The following AMZ1 variants were observed in gnomAD, a reference collection of about 807,000 sequenced individuals.
AMZ1 encodes archaemetzincin-1.
AMZ1 carries 39 observed loss-of-function variants against 29.9 expected under a neutral mutation model. The ratio of observed to expected loss-of-function variants is 1.30; its 90% confidence interval spans 1.01 to 1.70. AMZ1 has a LOEUF of 1.70. Among genes scored for constraint, AMZ1 ranks in the 40% most tolerant of loss-of-function variants. The pLI, the probability that AMZ1 is intolerant of heterozygous loss-of-function variation, is 0.00. For missense variants in AMZ1, 1,041 were observed against 680.6 expected, an observed-to-expected ratio of 1.53 and a Z score of -5.89; for synonymous variants, 458 against 304.0, an observed-to-expected ratio of 1.51 and a Z score of -5.27.
At chr7:2,754,172 T>A (rs1194491155) in intron 4 of AMZ1, among the ~76,000 whole-genome samples, 1 of 152,234 alleles carries the variant, frequency 6.6e-6, no homozygotes, top group African/African-American at 2.4e-5. Flanking sequence ...TTAATAGGTG[T>A]GTAGTGCTAG....
At position 2,733,569 on chromosome 7, in the gene AMZ1, A is replaced by G. The variant is rs753676837; in HGVS notation, n.550+23753A>G. ...GAATCCTGATGTGGCAAATACAAGA[A>G]CTGAACAGGGTAAGAGCAGTGGCAT... On this transcript the variant is annotated intron_variant and non_coding_transcript_variant, in intron 4 of 4. Coordinates refer to the AMZ1 transcript ENST00000489665. 363 of 1,249,094 alleles carry G rather than the reference A, an allele frequency of 2.9e-4. 1 individual carries two copies. Among genetic ancestry groups the G allele is most frequent in the Non-Finnish European group, 4.1e-4 (351 of 854,790 alleles). 77.4% of individuals were successfully genotyped at this position (1,249,094 alleles called of 1,614,324 possible). A position where few individuals can be genotyped will look rare whatever the true frequency, so the allele number is the denominator to read the frequency against.
intron 4 of AMZ1, among the ~76,000 whole-genome samples, chr7:2,743,873 TC>T (rs1260311541): frequency 6.6e-6 from 1 of 151,868 alleles, no homozygotes; most frequent in Non-Finnish European, 1.5e-5. Flanking sequence ...CCAGATTACA[TC>T]CCGCACCTGG....
Position 2,712,325 on chromosome 7 carries a change from C to T in AMZ1, c.949-5C>T. 6.4e-7 allele frequency: 1 copy of T among 1,565,920 alleles called. No homozygotes were observed. Among genetic ancestry groups the T allele is most frequent in the South Asian group, 1.2e-5 (1 of 83,294 alleles). ...GCAAACTCAGCCTGTGTTTCTCCCT[C>T]TTAGAGACTCTACACCTGGACTCAG... On this transcript the variant is annotated splice_polypyrimidine_tract_variant and splice_region_variant and intron_variant, in intron 6 of 6. Transcript: ENST00000683327.
At position 2,709,742 on chromosome 7, in the gene AMZ1, C is replaced by T. The variant is rs746068489; in HGVS notation, c.874C>T (p.Pro292Ser). The change falls in exon 6 of 7, where the codon CCC becomes TCC. Residue 292 changes from proline to serine, a missense_variant. Physicochemically the swap from Pro to Ser is moderately conservative, Grantham distance 74. Transcript: ENST00000683327. Reference sequence around the variant, plus strand: ...CAGCCTGGACGAGGCCCTGCGGCGGCCCCTGGACCTCTGTCCCATCTGCCT... The same window carrying T: ...CAGCCTGGACGAGGCCCTGCGGCGGTCCCTGGACCTCTGTCCCATCTGCCT... ...ALSLDEALRR[P>S]LDLCPICLRK... 3.1e-6 allele frequency: 5 copies of T among 1,611,478 alleles called. No homozygotes were observed. Among genetic ancestry groups the T allele is most frequent in the Admixed American group, 3.3e-5 (2 of 59,998 alleles).
intron 6 of AMZ1, among the ~76,000 whole-genome samples, chr7:2,711,897 T>G (rs1330495138): frequency 6.6e-6 from 1 of 151,996 alleles, no homozygotes; most frequent in Non-Finnish European, 1.5e-5. Context: ...ATGTAAAAAT[T>G]AGCCAGGCAT....
chr7:2,757,710 A>C (rs1438468728), intron 4 of AMZ1, among the ~76,000 whole-genome samples: 1 of 152,226 alleles, frequency 6.6e-6, no homozygotes, highest in African/African-American at 2.4e-5. Context: ...AAAAACCTTT[A>C]GTACTTCTTA....
intron 4 of AMZ1, among the ~76,000 whole-genome samples, chr7:2,736,123 C>T (rs1428354895): frequency 1.3e-5 from 2 of 152,168 alleles, no homozygotes; most frequent in Non-Finnish European, 2.9e-5. Context: ...CATGCATTTT[C>T]AACACTAAGA....
upstream of AMZ1, among the ~76,000 whole-genome samples, chr7:2,684,324 A>G (rs182356680): frequency 6.4e-4 from 98 of 152,212 alleles, 1 homozygote; most frequent in Admixed American, 6.3e-3. Flanking sequence ...CCTTACTTTA[A>G]CCATATCTGC....
upstream of AMZ1, among the ~76,000 whole-genome samples, chr7:2,683,809 C>G (rs1033450344): frequency 6.6e-6 from 1 of 152,076 alleles, no homozygotes; most frequent in Non-Finnish European, 1.5e-5. Context: ...TCAAGTGATC[C>G]TCCCACCTCG....
Position 2,709,229 on chromosome 7 carries a change from G to T in AMZ1, c.756G>T (p.Met252Ile). Residue 252 changes from methionine (M) to isoleucine (I), a missense_variant, in exon 5 of 7, where the codon ATG becomes ATT. Met to Ile is a conservative substitution (Grantham distance 10). Transcript: ENST00000683327. Reference sequence around the variant, plus strand: ...CCCTGTGCTTCAGTGCCCTGGGGATGGTTCAGTGCTGCAAGGTGGGTGGGG... The same window carrying T: ...CCCTGTGCTTCAGTGCCCTGGGGATTGTTCAGTGCTGCAAGGTGGGTGGGG... ...GWALCFSALG[M>I]VQCCKVTCHE... The T allele has an allele frequency of 6.7e-7, 1 of 1,502,736 alleles. No individual in the cohort carries two copies. The highest frequency in any genetic ancestry group is 2.4e-5 in the East Asian group (1 of 42,184). The allele number at this position is 1,502,736 out of a possible 1,614,324, so 93.1% of individuals were successfully genotyped here. A position where few individuals can be genotyped will look rare whatever the true frequency, so the allele number is the denominator to read the frequency against.
intron 1 of AMZ1, among the ~76,000 whole-genome samples, chr7:2,699,530 C>T (rs1263799802): frequency 3.6e-5 from 5 of 137,672 alleles, no homozygotes; most frequent in African/African-American, 1.2e-4. Flanking sequence ...TGCGTACCCC[C>T]GCCCCCCCCC....
upstream of AMZ1, among the ~76,000 whole-genome samples, chr7:2,683,460 C>G (rs1052973071): frequency 6.6e-6 from 1 of 151,940 alleles, no homozygotes; most frequent in Non-Finnish European, 1.5e-5. Context: ...TTTTTTGAGA[C>G]AGAGTCTGGC....
At chr7:2,741,045 A>AAAACAAACAAAC (rs10603977) in intron 4 of AMZ1, among the ~76,000 whole-genome samples, 4 of 151,168 alleles carry the variant, frequency 2.6e-5, no homozygotes, top group African/African-American at 4.9e-5. Flanking sequence ...ACTCCGTCTC[A>AAAACAAACAAAC]AAACAAACAA....
chr7:2,697,196 G>A (rs766923355), intron 1 of AMZ1, among the ~76,000 whole-genome samples: 11 of 152,130 alleles, frequency 7.2e-5, no homozygotes, highest in Admixed American at 2.0e-4. Context: ...TCTGCCTCCC[G>A]GGTTCAAGTG....
chr7:2,726,067 C>T (rs1333798615), intron 4 of AMZ1, among the ~76,000 whole-genome samples: 3 of 152,224 alleles, frequency 2.0e-5, no homozygotes, highest in Non-Finnish European at 2.9e-5. Context: ...CTGTCCTCTT[C>T]AAAGCAAAGC....
At position 2,718,968 on chromosome 7, in the gene AMZ1, G is replaced by T. The variant is rs1010310717; in HGVS notation, c.*6090G>T. On this transcript the variant is annotated 3_prime_UTR_variant, in exon 7 of 7. Coordinates refer to ENST00000683327, the MANE Select transcript of AMZ1 (RefSeq NM_001384743.1). ...CCGGCCATTTATTCCAAATGTATGA[G>T]CAGGAAGGAAAGAGGGAGGGAAGCT... 6.6e-6 allele frequency among the ~76,000 whole-genome samples: 1 copy of T among 151,850 alleles called. No individual in the cohort carries two copies. Among genetic ancestry groups the T allele is most frequent in the African/African-American group, 2.4e-5 (1 of 41,278 alleles).
intron 1 of AMZ1, among the ~76,000 whole-genome samples, chr7:2,699,319 C>T (rs1488294455): frequency 6.6e-6 from 1 of 152,184 alleles, no homozygotes; most frequent in Non-Finnish European, 1.5e-5. Flanking sequence ...TGCAGGGCGG[C>T]TTTGTCACGG....
intron 4 of AMZ1, chr7:2,733,454 C>T (rs1455629624): frequency 4.3e-6 from 7 of 1,613,562 alleles, no homozygotes; most frequent in African/African-American, 1.3e-5. Context: ...TACTCACCAG[C>T]TGGCCGATCC....
intron 4 of AMZ1, among the ~76,000 whole-genome samples, chr7:2,724,730 G>A (rs1392220981): frequency 6.6e-6 from 1 of 152,176 alleles, no homozygotes; most frequent in Non-Finnish European, 1.5e-5. Context: ...GTTTTGGGTG[G>A]AGCTGTTTCT....
Sources: allele counts gnomAD v4.1 joint callset (sites outside exome capture counted in the v4.1 genomes callset), GRCh38; gene constraint gnomAD v4.1.1; transcripts MANE v1.5; gene names NCBI Gene and HGNC (gene_info 2026-07-23, HGNC 2026-07-21).